The following RSPO4 variants were observed in gnomAD, a reference collection of about 807,000 sequenced individuals.
RSPO4 encodes R-spondin-4.
RSPO4 carries 23 observed loss-of-function variants against 24.8 expected under a neutral mutation model. The observed-to-expected ratio is 0.93, with a 90% CI of 0.67 to 1.31. The LOEUF (loss-of-function observed/expected upper bound fraction) is 1.31. Among genes scored for constraint, RSPO4 ranks in the 40% most tolerant of loss-of-function variants. RSPO4 has a pLI of 0.00. For synonymous variants in RSPO4, 141 were observed against 127.4 expected, an observed-to-expected ratio of 1.11 and a Z score of -0.72; for missense variants, 333 against 316.5, an observed-to-expected ratio of 1.05 and a Z score of -0.39.
intron 1 of RSPO4, among the ~76,000 whole-genome samples, chr20:992,663 C>A (rs1290076661): frequency 6.6e-6 from 1 of 152,110 alleles, no homozygotes; most frequent in African/African-American, 2.4e-5. Flanking sequence ...TATTGACAGA[C>A]AACATCGAGA....
chr20:972,766 C>T (rs748477056), intron 1 of RSPO4, among the ~76,000 whole-genome samples: 1 of 152,192 alleles, frequency 6.6e-6, no homozygotes, highest in Non-Finnish European at 1.5e-5. Flanking sequence ...AGCACAGAGT[C>T]ATATCAGTGG....
intron 3 of RSPO4, among the ~76,000 whole-genome samples, chr20:964,751 T>TACACACACACACAC (rs1984129921): frequency 7.2e-6 from 1 of 138,948 alleles, no homozygotes; most frequent in African/African-American, 3.1e-5. Context: ...CACATATATA[T>TACACACACACACAC]ACACATATAT....
In RSPO4 at chr20:970,547, T is replaced by C. The variant is rs150497826; in HGVS notation, c.80-2409A>G. ...CTGCAACAGGAGAGCAGAATAAAGA[T>C]TTTTGTGCCTCTGGAGCTGTATACC... On this transcript the variant is annotated intron_variant, in intron 1 of 4. Coordinates refer to ENST00000217260, the MANE Select transcript of RSPO4 (RefSeq NM_001029871.4). This position sits in a 1 kb window ranked among gnomAD's most constrained non-coding sequence, Gnocchi z 4.1. Among the ~76,000 whole-genome samples the C allele has an allele frequency of 2.0e-3, 311 of 152,180 alleles. No individual in the cohort carries two copies. Among genetic ancestry groups the C allele is most frequent in the African/African-American group, 7.1e-3 (293 of 41,520 alleles).
Position 968,136 on chromosome 20 carries a change from C to T in RSPO4, c.82G>A (p.Gly28Ser). The T allele has an allele frequency of 1.2e-6, 2 of 1,613,864 alleles. No homozygotes were observed. The highest frequency in any genetic ancestry group is 1.7e-6 in the Non-Finnish European group (2 of 1,179,900). Residue 28 changes from glycine to serine, a missense_variant and splice_region_variant, in exon 2 of 5, where the codon GGC becomes AGC. Gly to Ser is a moderately conservative substitution (Grantham distance 56). Coordinates refer to ENST00000217260, the MANE Select transcript of RSPO4 (RefSeq NM_001029871.4). ...GTGCAGTTGCCCCCCAGGCCAGTGC[C>T]CACTGCCCACAAGACCAGGGCAGAA... ...LALNRRKKQV[G>S]TGLGGNCTGC...
At chr20:995,764 G>T (rs1035731832) in intron 1 of RSPO4, among the ~76,000 whole-genome samples, 1 of 152,126 alleles carries the variant, frequency 6.6e-6, no homozygotes, top group Admixed American at 6.5e-5. Context: ...CAGCTGTCAG[G>T]AGGGCCTCCA....
In RSPO4 at chr20:1,002,230, G is replaced by GTGCCGC; in HGVS notation, c.-67_-66insGCGGCA. On this transcript the variant is annotated 5_prime_UTR_variant, in exon 1 of 5. Coordinates refer to ENST00000217260, the MANE Select transcript of RSPO4 (RefSeq NM_001029871.4). This position sits in a 1 kb window ranked among gnomAD's most constrained non-coding sequence, Gnocchi z 4.6. ...GACGGCCCAAGGGCCCCACGTCCCG[G>GTGCCGC]CGGCGGCACGGCGGGCGCGGGGGCT... 1 of 1,191,104 alleles carries GTGCCGC rather than the reference G, an allele frequency of 8.4e-7. No individual in the cohort carries two copies. The highest frequency in any genetic ancestry group is 1.1e-6 in the Non-Finnish European group (1 of 921,352). The allele number at this position is 1,191,104 out of a possible 1,614,324, so 73.8% of individuals were successfully genotyped here. A position where few individuals can be genotyped will look rare whatever the true frequency, so the allele number is the denominator to read the frequency against.
chr20:995,793 G>A (rs1023193769), intron 1 of RSPO4, among the ~76,000 whole-genome samples: 2 of 152,060 alleles, frequency 1.3e-5, no homozygotes, highest in Admixed American at 1.3e-4. Flanking sequence ...TGACTGAAAG[G>A]GGCTGAGCAC....
intron 4 of RSPO4, among the ~76,000 whole-genome samples, chr20:962,842 C>T (rs1984048373): frequency 6.6e-6 from 1 of 152,236 alleles, no homozygotes; most frequent in African/African-American, 2.4e-5. Flanking sequence ...GTCTACAGCT[C>T]CCTGGCTTTG....
chr20:966,007 A>G (rs1473753315), intron 3 of RSPO4, among the ~76,000 whole-genome samples: 1 of 152,212 alleles, frequency 6.6e-6, no homozygotes, highest in Non-Finnish European at 1.5e-5. Context: ...CATGCCACCC[A>G]GGGATCAGGG....
At chr20:976,760 A>C (rs1292979786) in intron 1 of RSPO4, among the ~76,000 whole-genome samples, 1 of 152,194 alleles carries the variant, frequency 6.6e-6, no homozygotes, top group East Asian at 1.9e-4. Flanking sequence ...CTGTCATTGA[A>C]ATTTCCTTAA....
intron 1 of RSPO4, among the ~76,000 whole-genome samples, chr20:972,899 G>A (rs1490369637): frequency 6.6e-6 from 1 of 152,248 alleles, no homozygotes; most frequent in Non-Finnish European, 1.5e-5. Flanking sequence ...TCACCTGGCA[G>A]AATAGGACTT....
chr20:983,345 T>G (rs1568923320), intron 1 of RSPO4, among the ~76,000 whole-genome samples: 1 of 152,192 alleles, frequency 6.6e-6, no homozygotes, highest in Non-Finnish European at 1.5e-5. Context: ...TTTGAACTTT[T>G]TCTTAGCCAA....
rs117401268 is a variant in RSPO4, at chr20:963,167, A to G, written c.595+768T>C. ...TTCCTGTGGCATTCAGTGGACGGCA[A>G]TCGGGATCCAGCGTGGGACAGTCCC... is the stretch of plus-strand genomic sequence containing the variant. On this transcript the variant is annotated intron_variant, in intron 4 of 4. Coordinates refer to ENST00000217260, the MANE Select transcript of RSPO4 (RefSeq NM_001029871.4). 1.0e-3 allele frequency among the ~76,000 whole-genome samples: 157 copies of G among 152,278 alleles called. 4 individuals are homozygous for G. The East Asian group carries it at 0.028, about 27-fold the overall frequency.
Position 964,059 on chromosome 20 carries a change from GC to G in RSPO4, c.470del (p.Cys157SerfsTer69). ...WSPCTHNGKT[C>X]GSAWGLESRV... is the part of the protein sequence containing the mutation. The stretch of plus-strand genomic sequence containing the variant: ...GGCTCTCCAGGCCCCAAGCCGAGCC[GC>G]AGGTCTTTCCATTGTGTGTGCAGGG... On this transcript the variant is annotated frameshift_variant, in exon 4 of 5. Transcript: ENST00000217260. LOFTEE classifies it high-confidence loss of function. 1 of 1,613,746 alleles carries G rather than the reference GC, an allele frequency of 6.2e-7. No individual in the cohort carries two copies. The highest frequency in any genetic ancestry group is 1.1e-5 in the South Asian group (1 of 91,056).
chr20:985,098 C>G (rs868611431), intron 1 of RSPO4, among the ~76,000 whole-genome samples: 1 of 140,862 alleles, frequency 7.1e-6, no homozygotes, highest in African/African-American at 2.9e-5. Flanking sequence ...CACTCACCCA[C>G]CCATCTATCC....
At chr20:961,903 C>T (rs573040606) in intron 4 of RSPO4, among the ~76,000 whole-genome samples, 1 of 152,052 alleles carries the variant, frequency 6.6e-6, no homozygotes, top group South Asian at 2.1e-4. Context: ...TATCCATCCA[C>T]CTGTTCACCT....
At position 997,258 on chromosome 20, in the gene RSPO4, T is replaced by C. The variant is rs908460509; in HGVS notation, c.79+4828A>G. ...CTCCTTCAGTGGCTGGGCAGGGGGG[T>C]TGGATGGTTTCCGTCCACAGGAGAG... On this transcript the variant is annotated intron_variant, in intron 1 of 4. Transcript: ENST00000217260. 4.6e-5 allele frequency among the ~76,000 whole-genome samples: 7 copies of C among 151,594 alleles called. No individual in the cohort carries two copies. In the Middle Eastern group the frequency reaches 0.01, roughly 221 times the overall value.
intron 1 of RSPO4, among the ~76,000 whole-genome samples, chr20:991,209 G>A (rs904394027): frequency 4.6e-5 from 7 of 152,170 alleles, no homozygotes; most frequent in African/African-American, 1.7e-4. Flanking sequence ...GTGAGTAGCT[G>A]GGATTTCAGG....
chr20:967,926 T>C (rs1156950210), intron 2 of RSPO4, 24 bp downstream of exon 2: 18 of 1,611,338 alleles, frequency 1.1e-5, no homozygotes, highest in South Asian at 6.6e-5. Flanking sequence ...AGCACTAGCA[T>C]AGAACAAGGG....
Sources: gnomAD v4.1 joint callset for allele counts (sites outside exome capture counted in the v4.1 genomes callset) on GRCh38, gnomAD v4.1.1 for gene constraint, Gnocchi (gnomAD v3.1) non-coding constraint, MANE v1.5 for transcripts, NCBI Gene and HGNC (gene_info 2026-07-23, HGNC 2026-07-21) for gene names.